Variants in CPA6 observed in about 807,000 individuals in gnomAD.
The protein encoded by CPA6 is carboxypeptidase A6.
In CPA6, 58 loss-of-function variants were observed where a neutral mutation model predicts 63.3. The ratio of observed to expected loss-of-function variants is 0.92; its 90% CI spans 0.74 to 1.14. The LOEUF is 1.14. CPA6 is among the 50% of genes most tolerant of loss of function. The pLI is 0.00. For missense variants in CPA6, 565 were observed against 526.6 expected (o/e 1.07, Z -0.71); for synonymous variants, 185 against 179.0 (o/e 1.03, Z -0.27).
chr8:67,615,732 A>G (rs185390381), intron 2 of CPA6, among the ~76,000 whole-genome samples: 1 of 152,286 alleles, frequency 6.6e-6, no homozygotes, highest in East Asian at 1.9e-4. Flanking sequence ...AAGAAAGCCT[A>G]CTGGGGATGG....
chr8:67,428,529 G>T (rs1450638382), intron 9 of CPA6, among the ~76,000 whole-genome samples: 1 of 152,062 alleles, frequency 6.6e-6, no homozygotes, highest in Non-Finnish European at 1.5e-5. Flanking sequence ...TGTCGCCCAG[G>T]CTGGAGTGCA....
chr8:67,473,051 C>G (rs911792621), intron 8 of CPA6, among the ~76,000 whole-genome samples: 1 of 152,048 alleles, frequency 6.6e-6, no homozygotes, highest in African/African-American at 2.4e-5. Context: ...TAATCAGTGT[C>G]TAGATTAGGA....
At position 67,428,140 on chromosome 8, in the gene CPA6, GA is replaced by G; in HGVS notation, c.1042-10del. 6.4e-7 allele frequency: 1 copy of G among 1,557,436 alleles called. No individual in the cohort carries two copies. The highest frequency in any genetic ancestry group is 8.9e-7 in the Non-Finnish European group (1 of 1,129,492). On this transcript the variant is annotated splice_polypyrimidine_tract_variant and intron_variant, in intron 9 of 10. Coordinates refer to ENST00000297770, the MANE Select transcript of CPA6 (RefSeq NM_020361.5). ...TTATAAGCTGCAGATTCCTATGAGG[GA>G]AAATGGGGAAATTTTATATATTGTT... is the stretch of plus-strand genomic sequence containing the variant.
chr8:67,717,515 T>C (rs924755190), intron 1 of CPA6, among the ~76,000 whole-genome samples: 2 of 152,238 alleles, frequency 1.3e-5, no homozygotes, highest in Non-Finnish European at 2.9e-5. Flanking sequence ...TCCCAAGAGA[T>C]AACCACTCTT....
rs149154260 is a variant in CPA6, at chr8:67,667,336, G to A, written c.117-43085C>T. The stretch of plus-strand genomic sequence containing the variant: ...CTGAAAAGGACCTCAGAGATCACCA[G>A]TTTAGCCCTTTAGCCCCCAGGTTTC... On this transcript the variant is annotated intron_variant, in intron 1 of 10. Transcript: ENST00000297770. 2.6e-4 allele frequency among the ~76,000 whole-genome samples: 39 copies of A among 152,182 alleles called. No homozygotes were observed. The East Asian group carries it at 6.4e-3, about 25-fold the overall frequency.
intron 2 of CPA6, among the ~76,000 whole-genome samples, chr8:67,529,454 TAAG>T (rs1812431993): frequency 6.6e-6 from 1 of 152,028 alleles, no homozygotes; most frequent in South Asian, 2.1e-4. Context: ...TGGAAGGTAA[TAAG>T]AAAATATAGA....
intron 1 of CPA6, among the ~76,000 whole-genome samples, chr8:67,705,824 A>G (rs902049717): frequency 1.3e-5 from 2 of 152,240 alleles, no homozygotes; most frequent in Admixed American, 1.3e-4. Flanking sequence ...CAGTATGTGG[A>G]TAACCTCCTT....
chr8:67,665,652 C>T (rs1816210875), intron 1 of CPA6, among the ~76,000 whole-genome samples: 1 of 152,164 alleles, frequency 6.6e-6, no homozygotes, highest in Non-Finnish European at 1.5e-5. Flanking sequence ...TATGGCTTTG[C>T]TTTAATTGTA....
chr8:67,584,851 G>A (rs1372078347), intron 2 of CPA6, among the ~76,000 whole-genome samples: 1 of 152,170 alleles, frequency 6.6e-6, no homozygotes, highest in African/African-American at 2.4e-5. Context: ...GAGGAACCAT[G>A]CCATAGCTAA....
intron 7 of CPA6, 112 bp downstream of exon 7, chr8:67,484,567 G>A (rs1811433821): frequency 3.7e-6 from 2 of 545,488 alleles, no homozygotes; most frequent in East Asian, 6.2e-5. Context: ...TGCATCTCTG[G>A]AATCACTCAG....
intron 1 of CPA6, among the ~76,000 whole-genome samples, chr8:67,667,214 A>G (rs1042081535): frequency 6.6e-5 from 10 of 152,096 alleles, no homozygotes; most frequent in Non-Finnish European, 8.8e-5. Context: ...TGTCAAGAAA[A>G]GGTTGATGGA....
At chr8:67,463,188 A>C (rs1472460821) in intron 8 of CPA6, among the ~76,000 whole-genome samples, 10 of 152,180 alleles carry the variant, frequency 6.6e-5, no homozygotes, top group Admixed American at 6.5e-4. Flanking sequence ...TCATGCCTGT[A>C]ATCCCAGCAC....
intron 2 of CPA6, among the ~76,000 whole-genome samples, chr8:67,549,891 T>C (rs1396581676): frequency 6.6e-6 from 1 of 152,230 alleles, no homozygotes; most frequent in Non-Finnish European, 1.5e-5. Flanking sequence ...ATTCCATCAA[T>C]GGACATTTAA....
At chr8:67,432,746 G>T (rs73258699) in intron 9 of CPA6, among the ~76,000 whole-genome samples, 3 of 152,080 alleles carry the variant, frequency 2.0e-5, no homozygotes, top group African/African-American at 7.2e-5. Flanking sequence ...TTATAGGAGC[G>T]AGCCACTGTA....
intron 1 of CPA6, among the ~76,000 whole-genome samples, chr8:67,722,428 A>G (rs148551976): frequency 5.3e-5 from 8 of 152,352 alleles, no homozygotes; most frequent in African/African-American, 1.9e-4. Context: ...ATTCTAATAA[A>G]AAAAAATCAG....
chr8:67,741,463 C>A (rs115426045), intron 1 of CPA6, among the ~76,000 whole-genome samples: 4,816 of 152,252 alleles, frequency 0.032, 224 homozygotes, highest in African/African-American at 0.11. Context: ...CAGACCGGTT[C>A]CAGTTGATGG....
intron 6 of CPA6, among the ~76,000 whole-genome samples, chr8:67,498,537 A>C (rs1811769117): frequency 8.0e-6 from 1 of 124,354 alleles, no homozygotes; most frequent in Non-Finnish European, 1.6e-5. Context: ...CTCCATCTCA[A>C]AAAAAAAAAA....
intron 8 of CPA6, among the ~76,000 whole-genome samples, chr8:67,451,507 T>G (rs1192580497): frequency 2.0e-5 from 3 of 152,224 alleles, no homozygotes; most frequent in Non-Finnish European, 4.4e-5. Context: ...GTTTTATAAT[T>G]CTTTCATTAT....
intron 1 of CPA6, among the ~76,000 whole-genome samples, chr8:67,734,097 C>CACTG (rs1270084539): frequency 2.5e-4 from 38 of 151,586 alleles, no homozygotes; most frequent in African/African-American, 9.2e-4. Flanking sequence ...GGCTGGGTCT[C>CACTG]CAACTCCTGG....
Sources: allele counts gnomAD v4.1 joint callset (sites outside exome capture counted in the v4.1 genomes callset), GRCh38; gene constraint gnomAD v4.1.1; transcripts MANE v1.5; gene names NCBI Gene and HGNC (gene_info 2026-07-23, HGNC 2026-07-21).